The following IRF6 variants were observed in gnomAD, a reference collection of about 807,000 sequenced individuals.
IRF6 encodes interferon regulatory factor 6.
A neutral mutation model predicts 51.4 loss-of-function variants in IRF6; 6 were observed. The observed-to-expected ratio is 0.12, with a 90% confidence interval of 0.06 to 0.23. The LOEUF (loss-of-function observed/expected upper bound fraction) is 0.23, where lower values mean the gene tolerates loss of function less well. Among genes scored for constraint, IRF6 ranks in the 10% least tolerant of loss-of-function variants. The probability of loss-of-function intolerance (pLI) is 1.00; values close to 1 mark genes in which losing one functional copy is unlikely to be tolerated. For missense variants in IRF6, 348 were observed against 585.2 expected (o/e 0.59, Z 4.18); for synonymous variants, 178 against 215.7 (o/e 0.83, Z 1.53).
At position 209,792,321 on chromosome 1, in the gene IRF6, T is replaced by C; in HGVS notation, c.615A>G (p.Ala205=). 1 of 1,614,118 alleles carries C rather than the reference T, an allele frequency of 6.2e-7. No homozygotes were observed. The highest frequency in any genetic ancestry group is 8.5e-7 in the Non-Finnish European group (1 of 1,179,944). The change falls in exon 6 of 9, where the codon GCA becomes GCG. Residue 205 remains alanine, a synonymous_variant. Transcript: ENST00000367021. ...TEPLEMEVPQ[A]PIQPFYSSPE... ...GAGAGCTATAGAAGGGCTGTATAGG[T>C]GCCTGGGGTACTTCCATCTCCAGGG...
chr1:209,796,233 G>T lies in IRF6; in HGVS notation c.379+115C>A. The T allele has an allele frequency of 3.5e-6, 3 of 857,328 alleles. No individual in the cohort carries two copies. Among genetic ancestry groups the T allele is most frequent in the Non-Finnish European group, 5.5e-6 (3 of 543,346 alleles). The allele number at this position is 857,328 out of a possible 1,614,324, so 53.1% of individuals were successfully genotyped here. A position where few individuals can be genotyped will look rare whatever the true frequency, so the allele number is the denominator to read the frequency against. ...GTCCTTCCCAGAGAAAGGCTTTCTT[G>T]CTTTATCCATCTTAAACTGTGTAAA... is the stretch of plus-strand genomic sequence containing the variant. On this transcript the variant is annotated intron_variant, in intron 4 of 8. Coordinates refer to ENST00000367021, the MANE Select transcript of IRF6 (RefSeq NM_006147.4). The surrounding 1 kb of genome is among the most constrained non-coding windows in gnomAD (Gnocchi z 4.5).
intron 6 of IRF6, among the ~76,000 whole-genome samples, chr1:209,791,533 A>C (rs564048634): frequency 3.2e-4 from 48 of 152,326 alleles, no homozygotes; most frequent in African/African-American, 1.1e-3. Context: ...TTGATTCGTC[A>C]TTGAGATAAA....
At chr1:209,789,539 G>T in intron 8 of IRF6, 128 bp downstream of exon 8, 1 of 768,902 alleles carries the variant, frequency 1.3e-6, no homozygotes. Context: ...ACCTGAGTCT[G>T]TTACCCCATC....
At chr1:209,792,593 T>G (rs1571980905) in intron 5 of IRF6, 166 bp from the exon 6 acceptor site, 2 of 683,860 alleles carry the variant, frequency 2.9e-6, no homozygotes, top group Non-Finnish European at 5.0e-6. Flanking sequence ...CAATAAGAAA[T>G]AAGGTTCCCC....
At chr1:209,800,917 T>G (rs1454915307) in intron 3 of IRF6, among the ~76,000 whole-genome samples, 7 of 152,150 alleles carry the variant, frequency 4.6e-5, no homozygotes, top group Admixed American at 3.3e-4. Flanking sequence ...TCTGAGTTAT[T>G]GAGGAGGAAG....
rs1215618225 is a variant in IRF6, at chr1:209,796,118, C to T, written c.379+230G>A. Among the ~76,000 whole-genome samples, 2 of 152,232 alleles carry T rather than the reference C, an allele frequency of 1.3e-5. No individual in the cohort carries two copies. Among genetic ancestry groups the T allele is most frequent in the African/African-American group, 2.4e-5 (1 of 41,464 alleles). ...ACTTTTACAGTAGAACTGTATACCC[C>T]TCCACTTTCTAATGCTTTAAGTAAC... On this transcript the variant is annotated intron_variant, in intron 4 of 8. Coordinates refer to ENST00000367021, the MANE Select transcript of IRF6 (RefSeq NM_006147.4). This position sits in a 1 kb window ranked among gnomAD's most constrained non-coding sequence, Gnocchi z 4.5.
At chr1:209,804,264 T>C (rs772115913) in intron 1 of IRF6, among the ~76,000 whole-genome samples, 3 of 152,216 alleles carry the variant, frequency 2.0e-5, no homozygotes, top group Non-Finnish European at 4.4e-5. Context: ...AACCTGAATG[T>C]GATATTACTA....
Position 209,789,664 on chromosome 1 carries a change from C to G in IRF6, c.1179+3G>C. On this transcript the variant is annotated splice_donor_region_variant and intron_variant, in intron 8 of 8. Transcript: ENST00000367021. ...AGTTGTTGACACAGCCTTATCTTCT[C>G]ACCTGAACCAAGATGAGTTTCCTTT... 1 of 1,600,868 alleles carries G rather than the reference C, an allele frequency of 6.2e-7. No homozygotes were observed. Among genetic ancestry groups the G allele is most frequent in the Non-Finnish European group, 8.6e-7 (1 of 1,167,950 alleles).
At chr1:209,792,762 A>T (rs537043989) in intron 5 of IRF6, 64 of 351,122 alleles carry the variant, frequency 1.8e-4, no homozygotes, top group African/African-American at 1.3e-3. Context: ...GCAATTAAAT[A>T]GAAGCTGGTT....
intron 4 of IRF6, among the ~76,000 whole-genome samples, chr1:209,795,831 T>TA (rs146722282): frequency 0.36 from 55,384 of 151,944 alleles, 10,471 homozygotes; most frequent in East Asian, 0.56. Context: ...ATTTGTCAAT[T>TA]AAAAAATTTT....
chr1:209,799,598 C>A (rs1011168643), intron 3 of IRF6, among the ~76,000 whole-genome samples: 1 of 152,330 alleles, frequency 6.6e-6, no homozygotes, highest in East Asian at 1.9e-4. Context: ...CTCCCCACAG[C>A]CCAATTTTCC....
chr1:209,802,273 G>A (rs2077948898), intron 1 of IRF6: 1 of 152,232 alleles, frequency 6.6e-6, no homozygotes, highest in Non-Finnish European at 1.5e-5. Flanking sequence ...CCTCCCTTGG[G>A]TCTGTTTATC....
chr1:209,805,704 G>C (rs913848811), intron 1 of IRF6, among the ~76,000 whole-genome samples: 4 of 152,190 alleles, frequency 2.6e-5, no homozygotes, highest in Admixed American at 2.6e-4. Context: ...TTCGGCGGTG[G>C]GGGTAGGGAG....
At chr1:209,799,170 A>G (rs1343780058) in intron 3 of IRF6, among the ~76,000 whole-genome samples, 5 of 152,130 alleles carry the variant, frequency 3.3e-5, no homozygotes, top group African/African-American at 1.2e-4. Flanking sequence ...CCATTTTACC[A>G]AAGGGAGAGC....
At position 209,790,824 on chromosome 1, in the gene IRF6, C is replaced by G; in HGVS notation, c.731G>C (p.Ser244Thr). The stretch of plus-strand genomic sequence containing the variant: ...GAAGAGTCGGCAGCCCTGAGGGTTG[C>G]TCACGGTCATGGTCTGCCCGTACTC... ...GKEYGQTMTV[S>T]NPQGCRLFYG... The change falls in exon 7 of 9, where the codon AGC becomes ACC. Residue 244 changes from serine to threonine, a missense_variant. Ser to Thr is a moderately conservative substitution (Grantham distance 58). Around this residue, in one of 5 missense-constraint regions of IRF6, gnomAD observed 125 missense variants for 222.0 expected, o/e 0.56. Transcript: ENST00000367021. The surrounding 1 kb of genome is among the most constrained non-coding windows in gnomAD (Gnocchi z 4.8). 6.2e-7 allele frequency: 1 copy of G among 1,613,886 alleles called. No individual in the cohort carries two copies. Among genetic ancestry groups the G allele is most frequent in the Non-Finnish European group, 8.5e-7 (1 of 1,180,034 alleles).
Position 209,796,679 on chromosome 1 carries a change from CT to C in IRF6, c.175-128del. On this transcript the variant is annotated intron_variant, in intron 3 of 8. Transcript: ENST00000367021. The surrounding 1 kb of genome is among the most constrained non-coding windows in gnomAD (Gnocchi z 4.5). Reference sequence around the variant, plus strand: ...CACACACACACACACACACACACAACTTTTGCATGACTGCCCCATCATCCCA... The same window carrying C: ...CACACACACACACACACACACACAACTTTGCATGACTGCCCCATCATCCCA... 3.9e-6 allele frequency: 2 copies of C among 516,776 alleles called. No individual in the cohort carries two copies. Among genetic ancestry groups the C allele is most frequent in the Non-Finnish European group, 6.7e-6 (2 of 299,742 alleles). The allele number at this position is 516,776 out of a possible 1,614,324, so 32.0% of individuals were successfully genotyped here.
At chr1:209,795,657 G>A (rs1038750560) in intron 4 of IRF6, among the ~76,000 whole-genome samples, 4 of 152,198 alleles carry the variant, frequency 2.6e-5, no homozygotes, top group African/African-American at 9.7e-5. Context: ...TACTTGTTAA[G>A]TATGCAGTTA....
chr1:209,794,022 T>A (rs1225949206), intron 5 of IRF6, among the ~76,000 whole-genome samples: 1 of 152,256 alleles, frequency 6.6e-6, no homozygotes, highest in Non-Finnish European at 1.5e-5. Context: ...GAATAAGTAC[T>A]GCAATGAACA....
At chr1:209,789,817 C>T (rs1204989900) in intron 7 of IRF6, 32 bp from the exon 8 acceptor site, 16 of 1,425,480 alleles carry the variant, frequency 1.1e-5, no homozygotes, top group Non-Finnish European at 1.6e-5. Flanking sequence ...GTTTGGTATA[C>T]TGGGTCATTC....
Sources: allele counts gnomAD v4.1 joint callset (sites outside exome capture counted in the v4.1 genomes callset), GRCh38; gene constraint gnomAD v4.1.1; regional missense constraint gnomAD v4.1.1; non-coding constraint Gnocchi (gnomAD v3.1); transcripts MANE v1.5; gene names NCBI Gene and HGNC (gene_info 2026-07-23, HGNC 2026-07-21).